Variants in AGO2 observed in about 807,000 individuals in gnomAD.
The protein encoded by AGO2 is argonaute RISC catalytic component 2.
In AGO2, 5 loss-of-function variants were observed where a neutral mutation model predicts 102.3. That is an observed-to-expected ratio of 0.05 (90% CI 0.03 to 0.10). The LOEUF is 0.10. AGO2 is among the 10% of genes least tolerant of loss of function. The pLI, the probability that AGO2 is intolerant of heterozygous loss-of-function variation, is 1.00. For missense variants in AGO2, 541 were observed against 1,183.7 expected, an observed-to-expected ratio of 0.46 and a Z score of 7.97; for synonymous variants, 449 against 473.1, an observed-to-expected ratio of 0.95 and a Z score of 0.66.
chr8:140,535,703 G>C (rs904473457), intron 16 of AGO2, 134 bp from the exon 17 acceptor site: 1 of 718,620 alleles, frequency 1.4e-6, no homozygotes, highest in Admixed American at 2.2e-5. Flanking sequence ...ACAGGTCCTC[G>C]GTAGGATAGT....
chr8:140,606,196 G>A (rs2073996317), intron 1 of AGO2, among the ~76,000 whole-genome samples: 1 of 152,150 alleles, frequency 6.6e-6, no homozygotes. Flanking sequence ...ATTTTAATTT[G>A]TCTGAAGAAA....
upstream of AGO2, chr8:140,636,144 C>G (rs181377566): frequency 4.6e-5 from 7 of 151,952 alleles, no homozygotes; most frequent in African/African-American, 1.7e-4. Flanking sequence ...TACAGAAACA[C>G]GGAGGTCGGG....
At chr8:140,620,175 G>A (rs2152106750) in intron 1 of AGO2, among the ~76,000 whole-genome samples, 1 of 152,292 alleles carries the variant, frequency 6.6e-6, no homozygotes, top group South Asian at 2.1e-4. Flanking sequence ...AACAGCACCG[G>A]CCATGTGGGA....
chr8:140,545,197 G>A (rs886837465), intron 13 of AGO2, among the ~76,000 whole-genome samples: 16 of 152,112 alleles, frequency 1.1e-4, no homozygotes, highest in African/African-American at 7.2e-5. Context: ...GCAGAGCTCC[G>A]ACTCAGCCGA....
At chr8:140,573,807 C>T (rs951325941) in intron 2 of AGO2, among the ~76,000 whole-genome samples, 5 of 152,232 alleles carry the variant, frequency 3.3e-5, no homozygotes, top group East Asian at 1.9e-4. Flanking sequence ...TGGCTCAGCT[C>T]GGCTGTGGGC....
intron 10 of AGO2, chr8:140,555,327 A>C (rs1371169764): frequency 6.6e-6 from 1 of 152,584 alleles, no homozygotes; most frequent in Non-Finnish European, 1.5e-5. Flanking sequence ...ACACTGATAA[A>C]AAGGAGAAGT....
intron 6 of AGO2, among the ~76,000 whole-genome samples, chr8:140,559,000 T>G (rs2073151182): frequency 6.6e-6 from 1 of 152,102 alleles, no homozygotes; most frequent in Non-Finnish European, 1.5e-5. Flanking sequence ...CAATCTGAGT[T>G]TCTTGGAGTA....
intron 8 of AGO2, among the ~76,000 whole-genome samples, chr8:140,556,686 G>A (rs1288100691): frequency 2.0e-5 from 3 of 152,298 alleles, no homozygotes; most frequent in South Asian, 2.1e-4. Flanking sequence ...TGAATGACAG[G>A]ATCTAAACAC....
At chr8:140,564,630 CA>C (rs2073251216) in intron 3 of AGO2, among the ~76,000 whole-genome samples, 1 of 152,172 alleles carries the variant, frequency 6.6e-6, no homozygotes, top group South Asian at 2.1e-4. Context: ...AACTTTCCTC[CA>C]GCTTAAGCAT....
In AGO2 at chr8:140,524,557, G is replaced by T. The variant is rs2072468120; in HGVS notation, c.*7487C>A. The T allele has an allele frequency of 6.6e-6, 1 of 152,278 alleles. No homozygotes were observed. Among genetic ancestry groups the T allele is most frequent in the African/African-American group, 2.4e-5 (1 of 41,458 alleles). The allele number at this position is 152,278 out of a possible 1,614,324, so 9.4% of individuals were successfully genotyped here. Reference sequence around the variant, plus strand: ...ACGCCTGCCTTGTGGAATGGCACAGGCTTAGTTCCCCAGAGAAACGCAGCC... The same window carrying T: ...ACGCCTGCCTTGTGGAATGGCACAGTCTTAGTTCCCCAGAGAAACGCAGCC... On this transcript the variant is annotated 3_prime_UTR_variant, in exon 19 of 19. Coordinates refer to ENST00000220592, the MANE Select transcript of AGO2 (RefSeq NM_012154.5).
intron 1 of AGO2, among the ~76,000 whole-genome samples, chr8:140,602,803 T>A (rs1256418767): frequency 6.6e-6 from 1 of 152,200 alleles, no homozygotes; most frequent in Non-Finnish European, 1.5e-5. Flanking sequence ...CTAGTCAGAA[T>A]AATTAATTAG....
intron 5 of AGO2, among the ~76,000 whole-genome samples, chr8:140,559,792 G>T (rs992291095): frequency 6.6e-6 from 1 of 152,252 alleles, no homozygotes; most frequent in African/African-American, 2.4e-5. Context: ...CACCCTCCGA[G>T]AATGAAGCCA....
At chr8:140,552,961 G>A (rs939453180) in intron 10 of AGO2, among the ~76,000 whole-genome samples, 1 of 152,194 alleles carries the variant, frequency 6.6e-6, no homozygotes, top group Non-Finnish European at 1.5e-5. Flanking sequence ...GAGAACTCCT[G>A]CTGTACACAT....
intron 2 of AGO2, among the ~76,000 whole-genome samples, chr8:140,583,116 G>A (rs1440108102): frequency 2.0e-5 from 3 of 152,230 alleles, no homozygotes; most frequent in Non-Finnish European, 2.9e-5. Flanking sequence ...CCCTCCTGGG[G>A]CTGGGGCACT....
At position 140,557,487 on chromosome 8, in the gene AGO2, G is replaced by A. The variant is rs997466874; in HGVS notation, c.879-251C>T. Among the ~76,000 whole-genome samples, 3 of 152,162 alleles carry A rather than the reference G, an allele frequency of 2.0e-5. No homozygotes were observed. Among genetic ancestry groups the A allele is most frequent in the Non-Finnish European group, 2.9e-5 (2 of 68,040 alleles). On this transcript the variant is annotated intron_variant, in intron 7 of 18. Coordinates refer to ENST00000220592, the MANE Select transcript of AGO2 (RefSeq NM_012154.5). The surrounding 1 kb of genome is among the most constrained non-coding windows in gnomAD (Gnocchi z 5.9). ...TCATTACTCATAAATTATCCACAACGTCACAGTGTGTGTAAAGGAGTCAGG... is the reference window on the plus strand; with the variant it reads ...TCATTACTCATAAATTATCCACAACATCACAGTGTGTGTAAAGGAGTCAGG...
In AGO2 at chr8:140,555,948, G is replaced by A; in HGVS notation, c.1217C>T (p.Thr406Ile). ...EFGIMVKDEM[T>I]DVTGRVLQPP... is the part of the protein sequence containing the mutation. Reference sequence around the variant, plus strand: ...CTGCAGCACCCGCCCAGTCACGTCTGTCATCTCATCTTTGACCATGATTCC... The same window carrying A: ...CTGCAGCACCCGCCCAGTCACGTCTATCATCTCATCTTTGACCATGATTCC... The change falls in exon 10 of 19, where the codon ACA becomes ATA. Residue 406 changes from threonine to isoleucine, a missense_variant. By Grantham distance (89) the Thr-to-Ile change is moderately conservative. Coordinates refer to ENST00000220592, the MANE Select transcript of AGO2 (RefSeq NM_012154.5). The A allele has an allele frequency of 6.2e-7, 1 of 1,614,210 alleles. No individual in the cohort carries two copies. The highest frequency in any genetic ancestry group is 8.5e-7 in the Non-Finnish European group (1 of 1,180,050).
At chr8:140,544,552 C>T (rs1184685512) in intron 13 of AGO2, among the ~76,000 whole-genome samples, 1 of 143,882 alleles carries the variant, frequency 7.0e-6, no homozygotes, top group East Asian at 2.0e-4. Flanking sequence ...GGGCCAGGAG[C>T]TGACAGCTGT....
chr8:140,539,177 C>T lies in AGO2; in HGVS notation c.2169+143G>A. ...CTTCTCTAGTGTCTAAACCTGGGTC[C>T]CCATGAAGCCCCTTAGAGGACAGAG... On this transcript the variant is annotated intron_variant, in intron 16 of 18. Coordinates refer to ENST00000220592, the MANE Select transcript of AGO2 (RefSeq NM_012154.5). This position sits in a 1 kb window ranked among gnomAD's most constrained non-coding sequence, Gnocchi z 4.7. 8.4e-7 allele frequency: 1 copy of T among 1,184,248 alleles called. No homozygotes were observed. The highest frequency in any genetic ancestry group is 1.2e-6 in the Non-Finnish European group (1 of 861,978). 73.4% of individuals were successfully genotyped at this position (1,184,248 alleles called of 1,614,324 possible).
chr8:140,547,383 C>A, intron 13 of AGO2, 85 bp downstream of exon 13: 1 of 1,530,190 alleles, frequency 6.5e-7, no homozygotes, highest in Non-Finnish European at 8.8e-7. Flanking sequence ...CCCTGCCCCC[C>A]TGCCCCCTGC....
Sources: allele counts gnomAD v4.1 joint callset (sites outside exome capture counted in the v4.1 genomes callset), GRCh38; gene constraint gnomAD v4.1.1; non-coding constraint Gnocchi (gnomAD v3.1); transcripts MANE v1.5; gene names NCBI Gene and HGNC (gene_info 2026-07-23, HGNC 2026-07-21).